The following OSBPL9 variants were observed in gnomAD, a reference collection of about 807,000 sequenced individuals.
OSBPL9 encodes oxysterol binding protein like 9, also known as oxysterol-binding protein-related protein 9.
In OSBPL9, 40 loss-of-function variants were observed where a neutral mutation model predicts 106.6. The observed-to-expected ratio is 0.38, with a 90% CI of 0.29 to 0.49. The LOEUF (loss-of-function observed/expected upper bound fraction) is 0.49, where lower values mean the gene tolerates loss of function less well. Among genes scored for constraint, OSBPL9 ranks in the 20% least tolerant of loss-of-function variants. The probability of loss-of-function intolerance (pLI) is 0.97; values close to 1 mark genes in which losing one functional copy is unlikely to be tolerated. For synonymous variants in OSBPL9, 269 were observed against 295.4 expected, an observed-to-expected ratio of 0.91 and a Z score of 0.92; for missense variants, 609 against 887.2, an observed-to-expected ratio of 0.69 and a Z score of 3.98.
chr1:51,540,606 A>G, the OSBPL9 span, among the ~76,000 whole-genome samples: 1 of 151,158 alleles, frequency 6.6e-6, no homozygotes, highest in Non-Finnish European at 1.5e-5. Flanking sequence ...GTGGGCCAAG[A>G]TAGCACCACT....
chr1:51,557,615 G>C, the OSBPL9 span, among the ~76,000 whole-genome samples: 1 of 152,208 alleles, frequency 6.6e-6, no homozygotes, highest in Non-Finnish European at 1.5e-5. Flanking sequence ...GGAATTCATT[G>C]AAAGTTACCT....
At chr1:51,608,327 C>CT (rs1643962396) in intron 2 of OSBPL9, among the ~76,000 whole-genome samples, 1 of 152,192 alleles carries the variant, frequency 6.6e-6, no homozygotes, top group African/African-American at 2.4e-5. Flanking sequence ...GAGTCTCACT[C>CT]TGTCACCCAG....
the OSBPL9 span, among the ~76,000 whole-genome samples, chr1:51,545,079 A>G: frequency 6.6e-6 from 1 of 152,060 alleles, no homozygotes. Flanking sequence ...CTTGACCTCA[A>G]GTGATCTGCC....
chr1:51,560,915 A>G, the OSBPL9 span: 1 of 152,236 alleles, frequency 6.6e-6, no homozygotes, highest in African/African-American at 2.4e-5. Context: ...GACCAGCAGA[A>G]GCAGCGTAAA....
At chr1:51,772,030 G>T in intron 12 of OSBPL9, 40 bp from the exon 13 acceptor site, 2 of 1,465,448 alleles carry the variant, frequency 1.4e-6, no homozygotes, top group Admixed American at 1.8e-5. Flanking sequence ...ATTCTAAATT[G>T]CTTTCTTTAG....
At position 51,761,981 on chromosome 1, in the gene OSBPL9, T is replaced by C; in HGVS notation, c.778+10T>C. ...ACACCAAATAGTACAGGTACAGATTTGCATAATTTCTTTATGTCTCATAAC... is the reference window on the plus strand; with the variant it reads ...ACACCAAATAGTACAGGTACAGATTCGCATAATTTCTTTATGTCTCATAAC... On this transcript the variant is annotated intron_variant, in intron 11 of 23. Coordinates refer to ENST00000428468, the MANE Select transcript of OSBPL9 (RefSeq NM_024586.6). 2 of 1,568,880 alleles carry C rather than the reference T, an allele frequency of 1.3e-6. No homozygotes were observed. The highest frequency in any genetic ancestry group is 4.5e-5 in the East Asian group (2 of 44,600).
chr1:51,737,394 A>C (rs1448904516), intron 4 of OSBPL9, among the ~76,000 whole-genome samples: 1 of 152,134 alleles, frequency 6.6e-6, no homozygotes, highest in Non-Finnish European at 1.5e-5. Flanking sequence ...ATTATAAAAT[A>C]AATGCATATT....
At chr1:51,727,828 A>C (rs1280638325) in intron 4 of OSBPL9, among the ~76,000 whole-genome samples, 1 of 152,162 alleles carries the variant, frequency 6.6e-6, no homozygotes, top group Non-Finnish European at 1.5e-5. Context: ...GACCTGTGAG[A>C]CTTTGTCTCT....
intron 3 of OSBPL9, among the ~76,000 whole-genome samples, chr1:51,697,841 T>A (rs1045426003): frequency 6.6e-6 from 1 of 150,790 alleles, no homozygotes. Flanking sequence ...CTTATATTGT[T>A]TCCATATAAA....
chr1:51,568,160 A>G, the OSBPL9 span, among the ~76,000 whole-genome samples: 1 of 152,256 alleles, frequency 6.6e-6, no homozygotes, highest in African/African-American at 2.4e-5. Flanking sequence ...TGGAAAAGAC[A>G]GGCAAGAGAG....
At chr1:51,724,398 C>T (rs1662725326) in intron 4 of OSBPL9, among the ~76,000 whole-genome samples, 1 of 152,174 alleles carries the variant, frequency 6.6e-6, no homozygotes, top group Admixed American at 6.5e-5. Context: ...ATTCTCCTGC[C>T]TCAGCCTCCT....
chr1:51,553,084 C>T, the OSBPL9 span, among the ~76,000 whole-genome samples: 1 of 152,040 alleles, frequency 6.6e-6, no homozygotes, highest in Non-Finnish European at 1.5e-5. Flanking sequence ...AATGGACCTT[C>T]CTTCAGAACC....
At chr1:51,782,767 T>A in intron 17 of OSBPL9, 124 bp downstream of exon 17, 1 of 749,174 alleles carries the variant, frequency 1.3e-6, no homozygotes, top group Non-Finnish European at 2.1e-6. Context: ...TCTTATTCCC[T>A]GAAGTGGAAA....
intron 2 of OSBPL9, among the ~76,000 whole-genome samples, chr1:51,599,795 G>A (rs1645318605): frequency 1.3e-5 from 2 of 152,222 alleles, no homozygotes; most frequent in East Asian, 1.9e-4. Context: ...CTATAACAAA[G>A]TACCTAAGAC....
At chr1:51,654,995 G>A (rs1469477291) in intron 2 of OSBPL9, among the ~76,000 whole-genome samples, 1 of 152,132 alleles carries the variant, frequency 6.6e-6, no homozygotes, top group Non-Finnish European at 1.5e-5. Context: ...GATGGATGGT[G>A]ATGATGGTGA....
chr1:51,621,632 T>C (rs1392413989), intron 1 of OSBPL9, among the ~76,000 whole-genome samples: 1 of 152,218 alleles, frequency 6.6e-6, no homozygotes, highest in South Asian at 2.1e-4. Flanking sequence ...TTTCCTAGAA[T>C]GTCGCAAACA....
the OSBPL9 span, among the ~76,000 whole-genome samples, chr1:51,568,954 C>A: frequency 6.6e-6 from 1 of 152,184 alleles, no homozygotes; most frequent in Non-Finnish European, 1.5e-5. Flanking sequence ...CTCAAGTGAT[C>A]TACCCGCCTC....
chr1:51,781,382 T>C lies in OSBPL9; in HGVS notation c.1428+47T>C. ...TTAAATTATCTTAATTGTATACTGA[T>C]TCAAGATTTTATTTAGGGGCAAATA... On this transcript the variant is annotated intron_variant, in intron 16 of 23. Transcript: ENST00000428468. 5 of 1,548,446 alleles carry C rather than the reference T, an allele frequency of 3.2e-6. No homozygotes were observed. The South Asian group carries it at 4.6e-5, about 14-fold the overall frequency.
intron 4 of OSBPL9, among the ~76,000 whole-genome samples, chr1:51,739,947 C>T (rs1251084262): frequency 6.6e-6 from 1 of 151,840 alleles, no homozygotes; most frequent in East Asian, 1.9e-4. Context: ...ACTTAATTTG[C>T]TAACTTAAAT....
Sources: allele counts gnomAD v4.1 joint callset (sites outside exome capture counted in the v4.1 genomes callset), GRCh38; gene constraint gnomAD v4.1.1; transcripts MANE v1.5; gene names NCBI Gene and HGNC (gene_info 2026-07-23, HGNC 2026-07-21).